The following TDRD9 variants were observed in gnomAD, a reference collection of about 807,000 sequenced individuals.
The protein encoded by TDRD9 is tudor domain containing 9, also known as ATP-dependent RNA helicase TDRD9.
Under a neutral mutation model 172.6 loss-of-function variants are expected in TDRD9, and 124 were observed. That is an observed-to-expected ratio of 0.72 (90% CI 0.62 to 0.83). The LOEUF is 0.83. Among genes scored for constraint, TDRD9 ranks in the 40% least tolerant of loss-of-function variants. TDRD9 has a pLI of 0.00. For missense variants in TDRD9, 1,479 were observed against 1,714.1 expected, an observed-to-expected ratio of 0.86 and a Z score of 2.42; for synonymous variants, 619 against 617.1, an observed-to-expected ratio of 1.00 and a Z score of -0.05.
chr14:104,031,924 C>G, intron 29 of TDRD9, 93 bp from the exon 30 acceptor site: 6 of 806,196 alleles, frequency 7.4e-6, no homozygotes, highest in Non-Finnish European at 1.1e-5. Context: ...TTTTTTTTTT[C>G]CTTTAAAGAA....
Position 103,928,621 on chromosome 14 carries a change from AG to A in TDRD9, c.115del (p.Glu39ArgfsTer43). The A allele has an allele frequency of 7.6e-7, 1 of 1,319,122 alleles. No homozygotes were observed. The highest frequency in any genetic ancestry group is 1.8e-5 in the South Asian group (1 of 54,054). 81.7% of individuals were successfully genotyped at this position (1,319,122 alleles called of 1,614,324 possible). A position where few individuals can be genotyped will look rare whatever the true frequency, so the allele number is the denominator to read the frequency against. On this transcript the variant is annotated frameshift_variant, in exon 1 of 36. Coordinates refer to ENST00000409874, the MANE Select transcript of TDRD9 (RefSeq NM_153046.3). LOFTEE classifies it high-confidence loss of function. ...APPAFPAGAA[R>X]EEVQRQDVAP... ...GCCCGCCTTCCCGGCAGGGGCGGCC[AG>A]GGAGGAGGTGCAGCGCCAGGACGTG...
At chr14:103,964,122 T>G (rs1411595176) in intron 3 of TDRD9, among the ~76,000 whole-genome samples, 1 of 152,142 alleles carries the variant, frequency 6.6e-6, no homozygotes, top group Admixed American at 6.5e-5. Context: ...GGCACGTGCC[T>G]GTGGTCCTGG....
chr14:103,982,113 C>G (rs1005529737), intron 7 of TDRD9, among the ~76,000 whole-genome samples: 8 of 152,212 alleles, frequency 5.3e-5, no homozygotes, highest in Non-Finnish European at 1.2e-4. Context: ...GGTTTCATGT[C>G]TCATCCTTCT....
chr14:103,946,882 G>A (rs540808942), intron 1 of TDRD9, among the ~76,000 whole-genome samples: 3 of 152,298 alleles, frequency 2.0e-5, no homozygotes, highest in East Asian at 1.9e-4. Context: ...ATTGCTGAAA[G>A]AAATTAAAAA....
At chr14:104,048,319 G>A (rs187270443) in intron 34 of TDRD9, among the ~76,000 whole-genome samples, 1 of 152,258 alleles carries the variant, frequency 6.6e-6, no homozygotes, top group East Asian at 1.9e-4. Context: ...GCTCACTGCA[G>A]CCTTGAACTC....
chr14:104,052,104 AG>A lies in TDRD9; in HGVS notation c.*23del. 2 of 1,531,266 alleles carry A rather than the reference AG, an allele frequency of 1.3e-6. No homozygotes were observed. The highest frequency in any genetic ancestry group is 1.8e-6 in the Non-Finnish European group (2 of 1,127,412). 94.9% of individuals were successfully genotyped at this position (1,531,266 alleles called of 1,614,324 possible). A position where few individuals can be genotyped will look rare whatever the true frequency, so the allele number is the denominator to read the frequency against. On this transcript the variant is annotated 3_prime_UTR_variant, in exon 36 of 36. Transcript: ENST00000409874. Reference sequence around the variant, plus strand: ...CTGAGCATGTCCACAGGTGGCCTCCAGCACACCCCTCAGGAAGCTGTGGAGG... The same window carrying A: ...CTGAGCATGTCCACAGGTGGCCTCCACACACCCCTCAGGAAGCTGTGGAGG...
At chr14:103,945,482 TCTA>T (rs1234770787) in intron 1 of TDRD9, 10 of 152,254 alleles carry the variant, frequency 6.6e-5, no homozygotes, top group African/African-American at 2.2e-4. Flanking sequence ...CAGTATTTCT[TCTA>T]CTGCTGTGTA....
intron 1 of TDRD9, among the ~76,000 whole-genome samples, chr14:103,935,369 A>C (rs2030691188): frequency 6.6e-6 from 1 of 152,160 alleles, no homozygotes; most frequent in Admixed American, 6.5e-5. Flanking sequence ...CTGTAGCTGG[A>C]GCAAGTGTAG....
chr14:103,937,679 A>G (rs1228277490), intron 1 of TDRD9, among the ~76,000 whole-genome samples: 1 of 152,132 alleles, frequency 6.6e-6, no homozygotes, highest in South Asian at 2.1e-4. Flanking sequence ...AGTTGAGTAC[A>G]TGGGTGGTGC....
At chr14:104,037,284 C>T (rs754929590) in intron 32 of TDRD9, among the ~76,000 whole-genome samples, 5 of 152,204 alleles carry the variant, frequency 3.3e-5, no homozygotes, top group Non-Finnish European at 7.3e-5. Context: ...GCCATGCGCC[C>T]ATGCCCGTTT....
intron 6 of TDRD9, among the ~76,000 whole-genome samples, chr14:103,974,057 C>A (rs1414038692): frequency 6.6e-6 from 1 of 152,070 alleles, no homozygotes; most frequent in African/African-American, 2.4e-5. Flanking sequence ...CAAAAATTAG[C>A]CAGGTGTGGT....
rs1389662609 is a variant in TDRD9, at chr14:104,024,691, A to G, written c.2718+11A>G. On this transcript the variant is annotated intron_variant, in intron 25 of 35. Coordinates refer to ENST00000409874, the MANE Select transcript of TDRD9 (RefSeq NM_153046.3). ...ATTGATGTCACAGAGGTAAGGATGA[A>G]GTAATTGAGCTTTTCCTTCTTCTTA... The G allele has an allele frequency of 6.7e-7, 1 of 1,492,806 alleles. No individual in the cohort carries two copies. Among genetic ancestry groups the G allele is most frequent in the African/African-American group, 1.4e-5 (1 of 72,086 alleles). The allele number at this position is 1,492,806 out of a possible 1,614,324, so 92.5% of individuals were successfully genotyped here.
intron 1 of TDRD9, among the ~76,000 whole-genome samples, chr14:103,952,180 GC>G (rs1207657766): frequency 5.7e-4 from 36 of 63,498 alleles, no homozygotes; most frequent in Admixed American, 1.3e-3. Flanking sequence ...ATATGTGTGT[GC>G]GTGTGTGTGT....
intron 26 of TDRD9, 58 bp downstream of exon 26, chr14:104,025,834 G>C: frequency 1.5e-6 from 2 of 1,358,154 alleles, no homozygotes; most frequent in African/African-American, 1.5e-5. Flanking sequence ...ACGTACAGCA[G>C]TTTATCAAAT....
chr14:104,033,898 G>C, intron 30 of TDRD9, 62 bp from the exon 31 acceptor site: 1 of 1,045,130 alleles, frequency 9.6e-7, no homozygotes. Flanking sequence ...TTGTGGGTTG[G>C]CATAGCACAT....
chr14:104,042,148 T>G lies in TDRD9; in HGVS notation c.3935T>G (p.Val1312Gly). ...TGCAAGTGTCTTGGGCCAGAGAGAG[T>G]TGCGCAGCTTCAAGACATTGCCCGT... ...NGCKCLGPER[V>G]AQLQDIARQK... Residue 1312 changes from valine (V) to glycine (G), a missense_variant, in exon 34 of 36, where the codon GTT (valine) becomes GGT (glycine). By Grantham distance (109) the Val-to-Gly change is moderately radical (BLOSUM62 -3). Transcript: ENST00000409874. 1 of 1,613,474 alleles carries G rather than the reference T, an allele frequency of 6.2e-7. No individual in the cohort carries two copies.
intron 1 of TDRD9, among the ~76,000 whole-genome samples, chr14:103,954,450 T>C (rs2032095924): frequency 6.6e-6 from 1 of 152,202 alleles, no homozygotes; most frequent in African/African-American, 2.4e-5. Context: ...ATCTTTAGTG[T>C]TGGAGACAGT....
intron 1 of TDRD9, among the ~76,000 whole-genome samples, chr14:103,936,323 C>T (rs193070275): frequency 6.6e-6 from 1 of 152,286 alleles, no homozygotes; most frequent in African/African-American, 2.4e-5. Context: ...AATTCCTGGG[C>T]TCAAGTGATC....
intron 1 of TDRD9, among the ~76,000 whole-genome samples, chr14:103,948,754 C>T (rs933198572): frequency 6.6e-6 from 1 of 151,950 alleles, no homozygotes; most frequent in African/African-American, 2.4e-5. Flanking sequence ...GCCTGTAGTT[C>T]CTTCTACTTA....
Sources: allele counts gnomAD v4.1 joint callset (sites outside exome capture counted in the v4.1 genomes callset), GRCh38; gene constraint gnomAD v4.1.1; transcripts MANE v1.5; gene names NCBI Gene and HGNC (gene_info 2026-07-23, HGNC 2026-07-21).